DAAM1: variants seen among roughly 807,000 people sequenced by gnomAD.
DAAM1 encodes dishevelled associated activator of morphogenesis 1, also known as disheveled-associated activator of morphogenesis 1.
A neutral mutation model predicts 130.0 loss-of-function variants in DAAM1; 52 were observed. The ratio of observed to expected loss-of-function variants is 0.40; its 90% confidence interval spans 0.32 to 0.50. DAAM1 has a LOEUF of 0.50. Ranked by LOEUF, DAAM1 falls within the 20% of genes least tolerant of loss-of-function variation. The pLI, the probability that DAAM1 is intolerant of heterozygous loss-of-function variation, is 0.61. For synonymous variants in DAAM1, 452 were observed against 444.5 expected (o/e 1.02, Z -0.21); for missense variants, 1,134 against 1,303.8 (o/e 0.87, Z 2.01).
intron 1 of DAAM1, among the ~76,000 whole-genome samples, chr14:59,192,090 G>A (rs762591397): frequency 6.6e-5 from 10 of 151,644 alleles, no homozygotes; most frequent in African/African-American, 9.7e-5. Flanking sequence ...CCATGAATAG[G>A]TGCTAAGGAA....
intron 1 of DAAM1, among the ~76,000 whole-genome samples, chr14:59,237,037 A>G (rs575675171): frequency 4.0e-4 from 61 of 152,282 alleles, no homozygotes; most frequent in Non-Finnish European, 6.6e-4. Context: ...TGTATTTACC[A>G]AAACTGTTGG....
At chr14:59,354,147 G>A (rs540228456) in intron 19 of DAAM1, among the ~76,000 whole-genome samples, 183 bp downstream of exon 19, 28 of 150,870 alleles carry the variant, frequency 1.9e-4, no homozygotes, top group East Asian at 3.9e-4. Flanking sequence ...TGCAAGCTCC[G>A]CCTCCCAGGT....
In DAAM1 at chr14:59,367,602, G is replaced by T; in HGVS notation, c.2997+3G>T. On this transcript the variant is annotated splice_donor_region_variant and intron_variant, in intron 24 of 24. Transcript: ENST00000360909. Reference sequence around the variant, plus strand: ...GTCGAGCTCGCATGGAAGCTCAGGTGAGAGGATGATTAATTGACCAATTCC... The same window carrying T: ...GTCGAGCTCGCATGGAAGCTCAGGTTAGAGGATGATTAATTGACCAATTCC... 1 of 1,611,454 alleles carries T rather than the reference G, an allele frequency of 6.2e-7. No individual in the cohort carries two copies. Among genetic ancestry groups the T allele is most frequent in the Non-Finnish European group, 8.5e-7 (1 of 1,178,612 alleles).
intron 1 of DAAM1, among the ~76,000 whole-genome samples, chr14:59,192,487 C>T (rs1887763315): frequency 6.6e-6 from 1 of 152,142 alleles, no homozygotes; most frequent in African/African-American, 2.4e-5. Flanking sequence ...TCCCTGGCTT[C>T]AAGCCGTGCT....
intron 3 of DAAM1, among the ~76,000 whole-genome samples, chr14:59,309,133 A>G (rs1209792472): frequency 2.6e-5 from 4 of 152,232 alleles, no homozygotes; most frequent in South Asian, 2.1e-4. Context: ...GGAATGAGGA[A>G]AGCAACAATC....
chr14:59,304,453 T>C (rs1264623900), intron 3 of DAAM1, among the ~76,000 whole-genome samples: 1 of 152,212 alleles, frequency 6.6e-6, no homozygotes, highest in East Asian at 1.9e-4. Context: ...TGGTAACTTG[T>C]GGCACTAGAA....
At chr14:59,195,391 C>G (rs1196866927) in intron 1 of DAAM1, among the ~76,000 whole-genome samples, 3 of 152,102 alleles carry the variant, frequency 2.0e-5, no homozygotes, top group Non-Finnish European at 2.9e-5. Context: ...GATCCGCCTG[C>G]CTCGGCCTCC....
chr14:59,276,628 G>T (rs1882981344), intron 2 of DAAM1, among the ~76,000 whole-genome samples: 1 of 152,156 alleles, frequency 6.6e-6, no homozygotes, highest in African/African-American at 2.4e-5. Context: ...TAGGTGAATT[G>T]GGGCTGTTTA....
intron 4 of DAAM1, among the ~76,000 whole-genome samples, chr14:59,317,511 A>G (rs1654716112): frequency 6.6e-6 from 1 of 152,164 alleles, no homozygotes; most frequent in Non-Finnish European, 1.5e-5. Context: ...AAGTTCTCCA[A>G]ATCCTTTCAT....
At chr14:59,230,053 A>C (rs1457064051) in intron 1 of DAAM1, among the ~76,000 whole-genome samples, 3 of 152,162 alleles carry the variant, frequency 2.0e-5, no homozygotes, top group Admixed American at 1.3e-4. Flanking sequence ...TAACTCTCTT[A>C]CCCTTGCAAA....
At chr14:59,348,875 A>G (rs1023202323) in intron 17 of DAAM1, among the ~76,000 whole-genome samples, 1 of 152,182 alleles carries the variant, frequency 6.6e-6, no homozygotes, top group Non-Finnish European at 1.5e-5. Flanking sequence ...CGGCTGGAAT[A>G]GTCCTGGGGG....
intron 2 of DAAM1, among the ~76,000 whole-genome samples, chr14:59,278,851 G>A (rs1448549803): frequency 1.3e-5 from 2 of 152,150 alleles, no homozygotes; most frequent in Non-Finnish European, 2.9e-5. Flanking sequence ...TACTTTAAAG[G>A]AGTACACAGT....
chr14:59,354,125 A>G (rs1333789624), intron 19 of DAAM1, among the ~76,000 whole-genome samples, 161 bp downstream of exon 19: 1 of 149,378 alleles, frequency 6.7e-6, no homozygotes. Context: ...CAGTAGCGCG[A>G]TCTTGGCTCA....
chr14:59,357,295 G>A (rs1442598853), intron 20 of DAAM1: 1 of 152,170 alleles, frequency 6.6e-6, no homozygotes, highest in African/African-American at 2.4e-5. Context: ...CCTTGTGATG[G>A]CGGCTGGCAT....
At chr14:59,285,178 T>G (rs1006316310) in intron 2 of DAAM1, among the ~76,000 whole-genome samples, 5 of 151,982 alleles carry the variant, frequency 3.3e-5, no homozygotes, top group Non-Finnish European at 5.9e-5. Flanking sequence ...GAAAAGAAAT[T>G]CCAACCAAGA....
chr14:59,323,001 T>G lies in DAAM1; in HGVS notation c.550T>G (p.Cys184Gly). 6.2e-7 allele frequency: 1 copy of G among 1,614,150 alleles called. No homozygotes were observed. Among genetic ancestry groups the G allele is most frequent in the Non-Finnish European group, 8.5e-7 (1 of 1,180,006 alleles). Residue 184 changes from cysteine to glycine, a missense_variant, in exon 6 of 25, where the codon TGT becomes GGT. Cys to Gly is a radical substitution (Grantham distance 159). Transcript: ENST00000360909. ...TCGAATACATACTTCTCTCATTGGC[T>G]GTATAAAGGCGTTAATGAACAACTC... ...ESRIHTSLIG[C>G]IKALMNNSQG...
In DAAM1 at chr14:59,331,908, TCAA is replaced by T; in HGVS notation, c.1957_1959del (p.Gln653del). 6.2e-7 allele frequency: 1 copy of T among 1,613,832 alleles called. No homozygotes were observed. Among genetic ancestry groups the T allele is most frequent in the Non-Finnish European group, 8.5e-7 (1 of 1,179,890 alleles). ...ACCTGGAAAGAACCTTCTCTGCCTA[TCAA>T]AGACAGCAGGTAACAGCATATGCCC... On this transcript the variant is annotated inframe_deletion, in exon 15 of 25. Coordinates refer to ENST00000360909, the MANE Select transcript of DAAM1 (RefSeq NM_001270520.2).
chr14:59,208,695 C>T (rs1888337812), intron 1 of DAAM1, among the ~76,000 whole-genome samples: 1 of 152,058 alleles, frequency 6.6e-6, no homozygotes, highest in Non-Finnish European at 1.5e-5. Context: ...ATGTTTGTCC[C>T]CTCCAAATCT....
At chr14:59,349,354 C>A (rs1270958598) in intron 17 of DAAM1, among the ~76,000 whole-genome samples, 1 of 152,244 alleles carries the variant, frequency 6.6e-6, no homozygotes, top group East Asian at 1.9e-4. Flanking sequence ...CCAAAAGGGC[C>A]TGCAGTGCAA....
Sources: allele counts gnomAD v4.1 joint callset (sites outside exome capture counted in the v4.1 genomes callset), GRCh38; gene constraint gnomAD v4.1.1; transcripts MANE v1.5; gene names NCBI Gene and HGNC (gene_info 2026-07-23, HGNC 2026-07-21).